PLEKHA7: variants seen among roughly 807,000 people sequenced by gnomAD.
The protein encoded by PLEKHA7 is pleckstrin homology domain-containing family A member 7.
PLEKHA7 carries 104 observed loss-of-function variants against 170.0 expected under a neutral mutation model. The observed-to-expected ratio is 0.61, with a 90% CI of 0.52 to 0.72. The LOEUF is 0.72. Ranked by LOEUF, PLEKHA7 falls within the 30% of genes least tolerant of loss-of-function variation. The pLI, the probability that PLEKHA7 is intolerant of heterozygous loss-of-function variation, is 0.00. For missense variants in PLEKHA7, 1,615 were observed against 1,671.7 expected, an observed-to-expected ratio of 0.97 and a Z score of 0.59; for synonymous variants, 648 against 660.8, an observed-to-expected ratio of 0.98 and a Z score of 0.30.
At chr11:16,980,529 T>C (rs1296438962) in intron 3 of PLEKHA7, among the ~76,000 whole-genome samples, 2 of 152,180 alleles carry the variant, frequency 1.3e-5, no homozygotes, top group Admixed American at 1.3e-4. Flanking sequence ...CAGTAAGGCA[T>C]GGCGGATGAA....
intron 10 of PLEKHA7, among the ~76,000 whole-genome samples, chr11:16,824,129 G>A (rs1238849801): frequency 6.6e-6 from 1 of 152,204 alleles, no homozygotes; most frequent in African/African-American, 2.4e-5. Flanking sequence ...GCAGGGGGGA[G>A]TAGGGATGCT....
rs16933529 is a variant in PLEKHA7, at chr11:16,841,676, G to T, written c.743C>A (p.Ala248Glu). The change falls in exon 9 of 27, where the codon GCG (alanine) becomes GAG (glutamate). Residue 248 changes from alanine to glutamate, a missense_variant. By Grantham distance (107) the Ala-to-Glu change is moderately radical. Transcript: ENST00000531066. Reference protein sequence around the residue: ...MRALIYNSSTAGSQAEQSGMR... With the variant: ...MRALIYNSSTEGSQAEQSGMR... The stretch of plus-strand genomic sequence containing the variant: ...GCCTGACTGCTCGGCCTGAGAGCCC[G>T]CTGTGGAGCTGTTATAGATGAGCGC... 2 of 1,614,032 alleles carry T rather than the reference G, an allele frequency of 1.2e-6. No homozygotes were observed. Among genetic ancestry groups the T allele is most frequent in the South Asian group, 2.2e-5 (2 of 91,074 alleles).
intron 3 of PLEKHA7, among the ~76,000 whole-genome samples, chr11:16,932,477 A>G (rs1860012014): frequency 6.6e-6 from 1 of 151,936 alleles, no homozygotes; most frequent in South Asian, 2.1e-4. Context: ...TAGAGACAGG[A>G]CCTTGCTATG....
At chr11:16,961,596 C>T (rs777771688) in intron 3 of PLEKHA7, among the ~76,000 whole-genome samples, 4 of 152,200 alleles carry the variant, frequency 2.6e-5, no homozygotes, top group Non-Finnish European at 4.4e-5. Flanking sequence ...CCCTGGGCAG[C>T]ATCATCCCCA....
chr11:16,931,512 C>G (rs542639479), intron 3 of PLEKHA7, among the ~76,000 whole-genome samples: 28 of 152,042 alleles, frequency 1.8e-4, no homozygotes, highest in Non-Finnish European at 3.1e-4. Context: ...TACTTCAGGT[C>G]AGGAGTTCAA....
chr11:16,856,241 G>A (rs1446199023), intron 4 of PLEKHA7, among the ~76,000 whole-genome samples: 2 of 152,100 alleles, frequency 1.3e-5, no homozygotes, highest in African/African-American at 4.8e-5. Flanking sequence ...CCATCTGATG[G>A]GCATGCACAG....
At chr11:16,968,811 C>T (rs1422574884) in intron 3 of PLEKHA7, among the ~76,000 whole-genome samples, 1 of 152,156 alleles carries the variant, frequency 6.6e-6, no homozygotes, top group Non-Finnish European at 1.5e-5. Context: ...CCCCACTTAA[C>T]ACTCTATACA....
intron 3 of PLEKHA7, among the ~76,000 whole-genome samples, chr11:16,943,321 T>A (rs1328533313): frequency 6.6e-6 from 1 of 152,200 alleles, no homozygotes. Context: ...CAGCACATCT[T>A]AACCCAGACT....
chr11:16,948,295 C>T lies in PLEKHA7; in HGVS notation c.221+65694G>A, dbSNP rs557375807. 1.4e-4 allele frequency among the ~76,000 whole-genome samples: 21 copies of T among 152,246 alleles called. No individual in the cohort carries two copies. In the South Asian group the frequency reaches 1.5e-3, roughly 11 times the overall value. ...ACAGTAAATAACAATATATCGTATA[C>T]TCAAAAATTGCTGATAGATTTTAAG... On this transcript the variant is annotated intron_variant, in intron 3 of 26. Transcript: ENST00000531066.
chr11:16,977,800 T>C (rs1398539846), intron 3 of PLEKHA7, among the ~76,000 whole-genome samples: 1 of 152,172 alleles, frequency 6.6e-6, no homozygotes, highest in Non-Finnish European at 1.5e-5. Flanking sequence ...CCTCGCTTTG[T>C]CAGTTCCTAG....
chr11:16,945,349 T>C (rs1860959322), intron 3 of PLEKHA7, among the ~76,000 whole-genome samples: 1 of 152,232 alleles, frequency 6.6e-6, no homozygotes, highest in Non-Finnish European at 1.5e-5. Context: ...TGGCATCTAG[T>C]GTATTCTACT....
intron 10 of PLEKHA7, among the ~76,000 whole-genome samples, chr11:16,821,139 C>G (rs1850185581): frequency 6.6e-6 from 1 of 152,192 alleles, no homozygotes; most frequent in Admixed American, 6.5e-5. Flanking sequence ...ACAGCCATTA[C>G]AGAAATGGTC....
At chr11:16,838,677 T>A (rs923984346) in intron 9 of PLEKHA7, among the ~76,000 whole-genome samples, 3 of 148,566 alleles carry the variant, frequency 2.0e-5, no homozygotes, top group Non-Finnish European at 4.4e-5. Flanking sequence ...CACTCACTAG[T>A]GAAATACACA....
In PLEKHA7 at chr11:16,780,937, C is replaced by T. The variant is rs1848976233; in HGVS notation, c.3793+1817G>A. 6.2e-6 allele frequency: 6 copies of T among 969,496 alleles called. No homozygotes were observed. In the South Asian group the frequency reaches 2.4e-4, roughly 38 times the overall value. The allele number at this position is 969,496 out of a possible 1,614,324, so 60.1% of individuals were successfully genotyped here. A position where few individuals can be genotyped will look rare whatever the true frequency, so the allele number is the denominator to read the frequency against. On this transcript the variant is annotated intron_variant, in intron 26 of 26. Transcript: ENST00000531066. ...GGCAGAAGCACACCAGACAGGGGCT[C>T]TTACTTGGAAGGTGTTAGACAAAGG...
At chr11:16,855,169 T>C (rs1425399218) in intron 5 of PLEKHA7, among the ~76,000 whole-genome samples, 176 bp from the exon 6 acceptor site, 1 of 151,992 alleles carries the variant, frequency 6.6e-6, no homozygotes, top group Non-Finnish European at 1.5e-5. Context: ...AGCATTCTAA[T>C]TAAAAGGCAA....
intron 3 of PLEKHA7, among the ~76,000 whole-genome samples, chr11:16,947,452 A>C (rs1335440827): frequency 1.3e-5 from 2 of 152,032 alleles, no homozygotes; most frequent in Non-Finnish European, 1.5e-5. Context: ...TTAGCCAGGC[A>C]TGGTGAGAGG....
At chr11:16,982,014 C>T (rs1863458973) in intron 3 of PLEKHA7, among the ~76,000 whole-genome samples, 1 of 152,218 alleles carries the variant, frequency 6.6e-6, no homozygotes, top group African/African-American at 2.4e-5. Context: ...CCAGGAAGGA[C>T]AGACGGTGGT....
chr11:16,882,545 C>T (rs749421583), intron 3 of PLEKHA7, among the ~76,000 whole-genome samples: 3 of 152,240 alleles, frequency 2.0e-5, no homozygotes, highest in Non-Finnish European at 2.9e-5. Context: ...GCCATGCTGG[C>T]ATATTATCCT....
intron 3 of PLEKHA7, among the ~76,000 whole-genome samples, chr11:16,979,410 C>T (rs1384699525): frequency 2.2e-5 from 3 of 134,244 alleles, no homozygotes; most frequent in African/African-American, 8.3e-5. Flanking sequence ...CCAGCCCCAC[C>T]TTCAGGGTAA....
Sources: allele counts gnomAD v4.1 joint callset (sites outside exome capture counted in the v4.1 genomes callset), GRCh38; gene constraint gnomAD v4.1.1; transcripts MANE v1.5; gene names NCBI Gene and HGNC (gene_info 2026-07-23, HGNC 2026-07-21).